The following RFX3 variants were observed in gnomAD, a reference collection of about 807,000 sequenced individuals.
RFX3 encodes transcription factor RFX3.
A neutral mutation model predicts 98.6 loss-of-function variants in RFX3; 14 were observed. That is an observed-to-expected ratio of 0.14 (90% CI 0.09 to 0.22). RFX3 has a LOEUF of 0.22. Ranked by LOEUF, RFX3 falls within the 10% of genes least tolerant of loss-of-function variation. The pLI, the probability that RFX3 is intolerant of heterozygous loss-of-function variation, is 1.00. For missense variants in RFX3, 639 were observed against 926.9 expected (o/e 0.69, Z 4.03); for synonymous variants, 383 against 328.4 (o/e 1.17, Z -1.80).
chr9:3,381,621 GAATAT>G, intron 2 of RFX3, among the ~76,000 whole-genome samples: 1 of 152,068 alleles, frequency 6.6e-6, no homozygotes, highest in South Asian at 2.1e-4. Context: ...TTTTATTTAA[GAATAT>G]AATTCCATTC....
intron 2 of RFX3, among the ~76,000 whole-genome samples, chr9:3,351,569 C>T (rs899194386): frequency 1.3e-5 from 2 of 151,654 alleles, no homozygotes; most frequent in Non-Finnish European, 2.9e-5. Context: ...TAGTTTGCAA[C>T]GTACTTAATA....
At chr9:3,245,822 T>A (rs914239305) in intron 15 of RFX3, among the ~76,000 whole-genome samples, 1 of 152,176 alleles carries the variant, frequency 6.6e-6, no homozygotes, top group Non-Finnish European at 1.5e-5. Context: ...TGGATTTCAA[T>A]GGATTTTGGC....
chr9:3,328,745 T>G (rs1563934059), intron 4 of RFX3, among the ~76,000 whole-genome samples: 2 of 152,122 alleles, frequency 1.3e-5, no homozygotes, highest in African/African-American at 4.8e-5. Flanking sequence ...ATACACAAAG[T>G]ATATACAAAG....
chr9:3,406,334 C>T (rs929191023), intron 1 of RFX3, among the ~76,000 whole-genome samples: 5 of 151,794 alleles, frequency 3.3e-5, no homozygotes, highest in Non-Finnish European at 2.9e-5. Context: ...CTCTAATCTT[C>T]ACTTTGTCTT....
At chr9:3,230,114 G>C (rs1044508555) in intron 15 of RFX3, among the ~76,000 whole-genome samples, 1 of 152,150 alleles carries the variant, frequency 6.6e-6, no homozygotes, top group African/African-American at 2.4e-5. Flanking sequence ...GTCCTGGGAT[G>C]ATTTGACTAC....
intron 1 of RFX3, among the ~76,000 whole-genome samples, chr9:3,413,797 C>T (rs147072480): frequency 5.3e-4 from 80 of 152,040 alleles, no homozygotes; most frequent in African/African-American, 1.2e-3. Flanking sequence ...AGTGAAAAAC[C>T]CTTTATGCTT....
rs201624406 is a variant in RFX3, at chr9:3,316,069, T to TA, written c.474+14189dup. ...ATACCAAAGGCTGGCAGGGACACAATAAAAAAAAAGAATTTTAGATCAATA... is the reference window on the plus strand; with the variant it reads ...ATACCAAAGGCTGGCAGGGACACAATAAAAAAAAAAGAATTTTAGATCAATA... On this transcript the variant is annotated intron_variant, in intron 4 of 16. Transcript: ENST00000617270. Among the ~76,000 whole-genome samples, 596 of 150,096 alleles carry TA rather than the reference T, an allele frequency of 4.0e-3. 3 individuals are homozygous for TA. The highest frequency in any genetic ancestry group is 0.013 in the African/African-American group (547 of 40,976).
chr9:3,517,423 C>T (rs550353171), intron 1 of RFX3, among the ~76,000 whole-genome samples: 1 of 152,200 alleles, frequency 6.6e-6, no homozygotes, highest in African/African-American at 2.4e-5. Context: ...CTCTTACCAA[C>T]TAACACACTA....
At chr9:3,280,835 G>A (rs1241659444) in intron 7 of RFX3, among the ~76,000 whole-genome samples, 1 of 151,644 alleles carries the variant, frequency 6.6e-6, no homozygotes, top group Non-Finnish European at 1.5e-5. Flanking sequence ...TAATCCACAG[G>A]AGCCTGTTGG....
chr9:3,412,910 G>T (rs1052944043), intron 1 of RFX3, among the ~76,000 whole-genome samples: 1 of 152,016 alleles, frequency 6.6e-6, no homozygotes, highest in Non-Finnish European at 1.5e-5. Context: ...AATGTGAGCT[G>T]AATAAAAATC....
At chr9:3,384,581 A>G (rs1303752613) in intron 2 of RFX3, among the ~76,000 whole-genome samples, 1 of 152,220 alleles carries the variant, frequency 6.6e-6, no homozygotes, top group African/African-American at 2.4e-5. Flanking sequence ...GGGACACATA[A>G]TAAGATGCTC....
At chr9:3,450,999 A>T (rs1266711215) in intron 1 of RFX3, among the ~76,000 whole-genome samples, 1 of 152,218 alleles carries the variant, frequency 6.6e-6, no homozygotes, top group Non-Finnish European at 1.5e-5. Context: ...TCGGACTTCC[A>T]TGGAGAAAAA....
chr9:3,490,209 T>A, intron 1 of RFX3: 1 of 463,332 alleles, frequency 2.2e-6, no homozygotes, highest in Non-Finnish European at 2.8e-6. Context: ...ACTCCATATA[T>A]GACATCTGAA....
chr9:3,343,465 T>A (rs541837721), intron 3 of RFX3, among the ~76,000 whole-genome samples: 3 of 152,116 alleles, frequency 2.0e-5, no homozygotes, highest in Non-Finnish European at 2.9e-5. Flanking sequence ...CATGGAAGTG[T>A]GCCAAATAAA....
rs140088356 is a variant in RFX3, at chr9:3,265,639, T to C, written c.1455+569A>G. Among the ~76,000 whole-genome samples, 776 of 152,286 alleles carry C rather than the reference T, an allele frequency of 5.1e-3. 7 individuals are homozygous for C. The highest frequency in any genetic ancestry group is 5.7e-3 in the Non-Finnish European group (386 of 68,020). On this transcript the variant is annotated intron_variant, in intron 12 of 16. Coordinates refer to ENST00000617270, the MANE Select transcript of RFX3 (RefSeq NM_001282116.2). ...GTAGGAGACAAAGTAGAGACTAAAATTTGTATCTCTAGCTAAATAATCCAC... is the reference window on the plus strand; with the variant it reads ...GTAGGAGACAAAGTAGAGACTAAAACTTGTATCTCTAGCTAAATAATCCAC...
At chr9:3,470,573 C>T (rs376978074) in intron 1 of RFX3, among the ~76,000 whole-genome samples, 38 of 152,048 alleles carry the variant, frequency 2.5e-4, no homozygotes, top group Non-Finnish European at 1.8e-4. Flanking sequence ...GTGATCCGCC[C>T]GCCTCGGCCT....
intron 4 of RFX3, among the ~76,000 whole-genome samples, chr9:3,323,213 C>T (rs953310681): frequency 6.6e-6 from 1 of 152,140 alleles, no homozygotes; most frequent in African/African-American, 2.4e-5. Context: ...TGCACAGGAA[C>T]ATGGAGAAAT....
At chr9:3,409,313 C>T (rs1004252006) in intron 1 of RFX3, among the ~76,000 whole-genome samples, 2 of 152,134 alleles carry the variant, frequency 1.3e-5, no homozygotes, top group African/African-American at 4.8e-5. Context: ...CACTTGTTAA[C>T]CAATTGAATT....
At chr9:3,313,504 G>C (rs936455546) in intron 4 of RFX3, among the ~76,000 whole-genome samples, 11 of 152,230 alleles carry the variant, frequency 7.2e-5, no homozygotes, top group Non-Finnish European at 1.6e-4. Flanking sequence ...ACGGAACAAA[G>C]CTGGATGGAG....
Sources: gnomAD v4.1 joint callset for allele counts (sites outside exome capture counted in the v4.1 genomes callset) on GRCh38, gnomAD v4.1.1 for gene constraint, MANE v1.5 for transcripts, NCBI Gene and HGNC (gene_info 2026-07-23, HGNC 2026-07-21) for gene names.